SLC45A3: variants seen among roughly 807,000 people sequenced by gnomAD.
The protein encoded by SLC45A3 is solute carrier family 45 member 3.
In SLC45A3, 17 loss-of-function variants were observed where a neutral mutation model predicts 35.3. That is an observed-to-expected ratio of 0.48 (90% CI 0.33 to 0.72). The LOEUF (loss-of-function observed/expected upper bound fraction) is 0.72, where lower values mean the gene tolerates loss of function less well. SLC45A3 is among the 30% of genes least tolerant of loss of function. SLC45A3 has a pLI of 0.02. For synonymous variants in SLC45A3, 288 were observed against 334.3 expected (o/e 0.86, Z 1.51); for missense variants, 597 against 731.7 (o/e 0.82, Z 2.12).
In SLC45A3 at chr1:205,664,456, CAGGA is replaced by C. The variant is rs749729003; in HGVS notation, c.172+25_172+28del. The C allele has an allele frequency of 1.1e-5, 17 of 1,611,366 alleles. No individual in the cohort carries two copies. Among genetic ancestry groups the C allele is most frequent in the Admixed American group, 1.7e-5 (1 of 59,898 alleles). ...CATGCCAGGTGGCATGTATCTGGAA[CAGGA>C]AGGAAGGAGGATGTAGTGACTCACC... On this transcript the variant is annotated intron_variant, in intron 2 of 4. Transcript: ENST00000367145. This position sits in a 1 kb window ranked among gnomAD's most constrained non-coding sequence, Gnocchi z 5.3.
Position 205,663,315 on chromosome 1 carries a change from T to C in SLC45A3, c.476A>G (p.Gln159Arg). The C allele has an allele frequency of 6.2e-7, 1 of 1,613,296 alleles. No individual in the cohort carries two copies. Among genetic ancestry groups the C allele is most frequent in the Non-Finnish European group, 8.5e-7 (1 of 1,179,988 alleles). ...DLFRDPDHCR[Q>R]AYSVYAFMIS... ...CATGAAGGCATAGACAGAGTAGGCC[T>C]GGCGACAGTGGTCCGGGTCCCGGAA... The change falls in exon 3 of 5, where the codon CAG (glutamine) becomes CGG (arginine). Residue 159 changes from glutamine (Q) to arginine (R), a missense_variant. Gln to Arg is a conservative substitution (Grantham distance 43). Coordinates refer to ENST00000367145, the MANE Select transcript of SLC45A3 (RefSeq NM_033102.3).
rs185489521 is a variant in SLC45A3 at position 205,658,275 on chromosome 1, G to C, written c.*959C>G. ...AACCAGGCTGGGCCAAGAGAAGAGG[G>C]GTGGTTAGGGAAGCCGTTGAGACCT... On this transcript the variant is annotated 3_prime_UTR_variant, in exon 5 of 5. Transcript: ENST00000367145. 1 of 232,786 alleles carries C rather than the reference G, an allele frequency of 4.3e-6. No homozygotes were observed. Among genetic ancestry groups the C allele is most frequent in the East Asian group, 6.0e-5 (1 of 16,540 alleles). 14.4% of individuals were successfully genotyped at this position (232,786 alleles called of 1,614,324 possible).
chr1:205,669,127 C>T lies in SLC45A3; in HGVS notation c.-230-4241G>A, dbSNP rs1406129798. Among the ~76,000 whole-genome samples the T allele has an allele frequency of 1.3e-5, 2 of 152,168 alleles. No individual in the cohort carries two copies. The highest frequency in any genetic ancestry group is 2.4e-5 in the African/African-American group (1 of 41,436). On this transcript the variant is annotated intron_variant, in intron 1 of 4. Transcript: ENST00000367145. The surrounding 1 kb of genome is among the most constrained non-coding windows in gnomAD (Gnocchi z 4.1). The stretch of plus-strand genomic sequence containing the variant: ...AAGCAAGGGTGAGGGCTTAAGTCCT[C>T]CTCCTCCCACGTGCTCGCCACACAC...
In SLC45A3 at chr1:205,664,750, T is replaced by A; in HGVS notation, c.-94A>T. 12 of 1,509,708 alleles carry A rather than the reference T, an allele frequency of 7.9e-6. No individual in the cohort carries two copies. The highest frequency in any genetic ancestry group is 1.1e-5 in the Non-Finnish European group (12 of 1,133,968). The allele number at this position is 1,509,708 out of a possible 1,614,324, so 93.5% of individuals were successfully genotyped here. Reference sequence around the variant, plus strand: ...TCCAGAAGCTGCGGCCTCTCCTCCTTGCTGCCGCCAACTGCCTAGGAATCA... The same window carrying A: ...TCCAGAAGCTGCGGCCTCTCCTCCTAGCTGCCGCCAACTGCCTAGGAATCA... On this transcript the variant is annotated 5_prime_UTR_variant, in exon 2 of 5. Coordinates refer to ENST00000367145, the MANE Select transcript of SLC45A3 (RefSeq NM_033102.3). The surrounding 1 kb of genome is among the most constrained non-coding windows in gnomAD (Gnocchi z 5.3).
chr1:205,669,676 G>A lies in SLC45A3; in HGVS notation c.-230-4790C>T, dbSNP rs555827341. 1.4e-4 allele frequency among the ~76,000 whole-genome samples: 21 copies of A among 152,298 alleles called. No individual in the cohort carries two copies. The highest frequency in any genetic ancestry group is 1.2e-3 in the East Asian group (6 of 5,170). On this transcript the variant is annotated intron_variant, in intron 1 of 4. Coordinates refer to ENST00000367145, the MANE Select transcript of SLC45A3 (RefSeq NM_033102.3). This position sits in a 1 kb window ranked among gnomAD's most constrained non-coding sequence, Gnocchi z 4.1. ...GACCCCGCAGGCTCAGCGACCCTGC[G>A]TGTTCCCTGCACACTCACAAAGACG...
chr1:205,672,616 T>C (rs986946077), intron 1 of SLC45A3, among the ~76,000 whole-genome samples: 16 of 152,166 alleles, frequency 1.1e-4, no homozygotes, highest in African/African-American at 3.6e-4. Flanking sequence ...ATGCCCAAGG[T>C]TGCACAAATA....
intron 1 of SLC45A3, among the ~76,000 whole-genome samples, chr1:205,672,213 C>A (rs1022111573): frequency 6.6e-6 from 1 of 152,116 alleles, no homozygotes; most frequent in African/African-American, 2.4e-5. Flanking sequence ...TCCATTCCCC[C>A]CCCTCACCCA....
At chr1:205,661,288 G>GGGGAAGGGGAAGGAGAAA (rs1363178016) in intron 4 of SLC45A3, among the ~76,000 whole-genome samples, 2 of 152,208 alleles carry the variant, frequency 1.3e-5, no homozygotes, top group Non-Finnish European at 2.9e-5. Flanking sequence ...CACAGGGGAA[G>GGGGAAGGGGAAGGAGAAA]GGGAAGGGGA....
chr1:205,662,699 G>T lies in SLC45A3; in HGVS notation c.958+134C>A. 1 of 1,458,158 alleles carries T rather than the reference G, an allele frequency of 6.9e-7. No homozygotes were observed. The highest frequency in any genetic ancestry group is 9.0e-7 in the Non-Finnish European group (1 of 1,112,112). 90.3% of individuals were successfully genotyped at this position (1,458,158 alleles called of 1,614,324 possible). A position where few individuals can be genotyped will look rare whatever the true frequency, so the allele number is the denominator to read the frequency against. ...ACACCCATGAGAAGCCGTGTATGCAGATGGGGTCCATCCCCACTTTCCTGA... is the reference window on the plus strand; with the variant it reads ...ACACCCATGAGAAGCCGTGTATGCATATGGGGTCCATCCCCACTTTCCTGA... On this transcript the variant is annotated intron_variant, in intron 3 of 4. Coordinates refer to ENST00000367145, the MANE Select transcript of SLC45A3 (RefSeq NM_033102.3). This position sits in a 1 kb window ranked among gnomAD's most constrained non-coding sequence, Gnocchi z 6.2.
rs935677011 is a variant in SLC45A3 at position 205,669,937 on chromosome 1, A to C, written c.-230-5051T>G. 2.0e-5 allele frequency among the ~76,000 whole-genome samples: 3 copies of C among 152,184 alleles called. No homozygotes were observed. Among genetic ancestry groups the C allele is most frequent in the Non-Finnish European group, 4.4e-5 (3 of 68,022 alleles). ...GGGGCAACCCCAGCACCTTGCTCCAAACTGAGCTCTCCAGGGTCCTCTAGG... is the reference window on the plus strand; with the variant it reads ...GGGGCAACCCCAGCACCTTGCTCCACACTGAGCTCTCCAGGGTCCTCTAGG... On this transcript the variant is annotated intron_variant, in intron 1 of 4. Transcript: ENST00000367145. This position sits in a 1 kb window ranked among gnomAD's most constrained non-coding sequence, Gnocchi z 4.1.
intron 4 of SLC45A3, among the ~76,000 whole-genome samples, chr1:205,660,979 C>G (rs1224026503): frequency 6.6e-6 from 1 of 152,236 alleles, no homozygotes; most frequent in Admixed American, 6.5e-5. Context: ...TCAAGTGCTA[C>G]GAGACGCAGG....
chr1:205,680,367 C>T (rs1032235025), intron 1 of SLC45A3, 27 bp downstream of exon 1: 1 of 152,012 alleles, frequency 6.6e-6, no homozygotes, highest in Admixed American at 6.5e-5. Context: ...ACCCTCACCC[C>T]TGGGAGAGGA....
Position 205,666,797 on chromosome 1 carries a change from T to C in SLC45A3, c.-230-1911A>G, listed in dbSNP as rs1671126377. Among the ~76,000 whole-genome samples the C allele has an allele frequency of 6.6e-6, 1 of 152,154 alleles. No individual in the cohort carries two copies. The highest frequency in any genetic ancestry group is 2.4e-5 in the African/African-American group (1 of 41,412). ...AGCTGTCATAGGTTCAACTTGAGCATCTCATTGCTGCATTTCCACAGTACC... is the reference window on the plus strand; with the variant it reads ...AGCTGTCATAGGTTCAACTTGAGCACCTCATTGCTGCATTTCCACAGTACC... On this transcript the variant is annotated intron_variant, in intron 1 of 4. Coordinates refer to ENST00000367145, the MANE Select transcript of SLC45A3 (RefSeq NM_033102.3). This position sits in a 1 kb window ranked among gnomAD's most constrained non-coding sequence, Gnocchi z 4.1.
rs543098518 is a variant in SLC45A3, at chr1:205,660,529, G to A, written c.1225-858C>T. Among the ~76,000 whole-genome samples the A allele has an allele frequency of 2.3e-4, 35 of 152,248 alleles. No homozygotes were observed. The South Asian group carries it at 5.2e-3, about 23-fold the overall frequency. The stretch of plus-strand genomic sequence containing the variant: ...CAAACCTGACACCAGGGAAGCCCAC[G>A]GCTCACCATGCAGCTCAACAAGTGG... On this transcript the variant is annotated intron_variant, in intron 4 of 4. Transcript: ENST00000367145.
intron 1 of SLC45A3, among the ~76,000 whole-genome samples, chr1:205,672,719 T>C (rs1671237616): frequency 6.6e-6 from 1 of 152,194 alleles, no homozygotes; most frequent in African/African-American, 2.4e-5. Flanking sequence ...TTTCAGCCAC[T>C]TTTTTTAAGA....
chr1:205,662,165 G>A lies in SLC45A3; in HGVS notation c.959-39C>T. ...GGGGCCATCAGACAGAGCCTGGGAG[G>A]GAAGGGTCGGAGCAGTCTCAGGGAG... On this transcript the variant is annotated intron_variant, in intron 3 of 4. Transcript: ENST00000367145. This position sits in a 1 kb window ranked among gnomAD's most constrained non-coding sequence, Gnocchi z 6.2. 6.3e-7 allele frequency: 1 copy of A among 1,587,776 alleles called. No individual in the cohort carries two copies. The highest frequency in any genetic ancestry group is 8.6e-7 in the Non-Finnish European group (1 of 1,166,076).
intron 1 of SLC45A3, among the ~76,000 whole-genome samples, chr1:205,678,737 C>T (rs1406212220): frequency 6.6e-6 from 1 of 152,226 alleles, no homozygotes; most frequent in Non-Finnish European, 1.5e-5. Context: ...ATTCTGCTGA[C>T]TCAAGCTGCA....
chr1:205,667,778 C>G (rs1383567897), intron 1 of SLC45A3, among the ~76,000 whole-genome samples: 1 of 152,082 alleles, frequency 6.6e-6, no homozygotes. Context: ...CTCCCTTAAT[C>G]AAGTTCCCAG....
chr1:205,659,550 C>T lies in SLC45A3; in HGVS notation c.1346G>A (p.Gly449Glu), dbSNP rs745563098. 10 of 1,605,282 alleles carry T rather than the reference C, an allele frequency of 6.2e-6. 1 individual carries two copies. In the East Asian group the frequency reaches 2.2e-4, roughly 36 times the overall value. ...APFPNGHVGA[G>E]GSGLLPPPPA... Reference sequence around the variant, plus strand: ...TGGAGGTGGGAGCAGGCCACTGCCTCCAGCACCCACGTGTCCATTAGGGAA... The same window carrying T: ...TGGAGGTGGGAGCAGGCCACTGCCTTCAGCACCCACGTGTCCATTAGGGAA... Residue 449 changes from glycine to glutamate, a missense_variant, in exon 5 of 5, where the codon GGA (glycine) becomes GAA (glutamate). Gly to Glu is a moderately conservative substitution (Grantham distance 98, BLOSUM62 -2). Coordinates refer to ENST00000367145, the MANE Select transcript of SLC45A3 (RefSeq NM_033102.3). This position sits in a 1 kb window ranked among gnomAD's most constrained non-coding sequence, Gnocchi z 5.8.
Sources: gnomAD v4.1 joint callset for allele counts (sites outside exome capture counted in the v4.1 genomes callset) on GRCh38, gnomAD v4.1.1 for gene constraint, Gnocchi (gnomAD v3.1) non-coding constraint, MANE v1.5 for transcripts, NCBI Gene and HGNC (gene_info 2026-07-23, HGNC 2026-07-21) for gene names.